The following EYS variants were observed in gnomAD, a reference collection of about 807,000 sequenced individuals.
EYS encodes the protein protein eyes shut homolog.
Under a neutral mutation model 282.1 loss-of-function variants are expected in EYS, and 250 were observed. That is an observed-to-expected ratio of 0.89 (90% CI 0.80 to 0.98). The LOEUF is 0.98. Ranked by LOEUF, EYS falls within the 50% of genes least tolerant of loss-of-function variation. EYS has a pLI of 0.00. For synonymous variants in EYS, 1,355 were observed against 1,282.9 expected (o/e 1.06, Z -1.20); for missense variants, 4,016 against 3,709.0 (o/e 1.08, Z -2.15).
At chr6:64,135,379 AT>A in intron 31 of EYS, among the ~76,000 whole-genome samples, 1 of 152,246 alleles carries the variant, frequency 6.6e-6, no homozygotes, top group African/African-American at 2.4e-5. Context: ...TGCACATATG[AT>A]CAAAATTTTA....
intron 14 of EYS, among the ~76,000 whole-genome samples, chr6:64,986,880 A>G (rs538764347): frequency 1.2e-4 from 18 of 151,386 alleles, no homozygotes; most frequent in African/African-American, 4.1e-4. Context: ...AGCCTAAAGA[A>G]AAACCTTGGT....
At chr6:63,813,027 G>C (rs1771088383) in intron 36 of EYS, among the ~76,000 whole-genome samples, 1 of 152,066 alleles carries the variant, frequency 6.6e-6, no homozygotes, top group South Asian at 2.1e-4. Context: ...CACTCAGACT[G>C]GAGTGCAGTG....
In EYS at chr6:64,007,640, C is replaced by T. The variant is rs115548591; in HGVS notation, c.6726-8457G>A. On this transcript the variant is annotated intron_variant, in intron 33 of 42. Transcript: ENST00000503581. ...TGGGCATTTAGCACTATAACTTTCC[C>T]TCTTATCACTGCTTTAGCTGTGCCC... Among the ~76,000 whole-genome samples the T allele has an allele frequency of 5.1e-3, 782 of 152,218 alleles. 2 individuals are homozygous for T. The highest frequency in any genetic ancestry group is 7.4e-3 in the African/African-American group (308 of 41,546).
chr6:65,429,459 G>A (rs755308659), intron 5 of EYS, among the ~76,000 whole-genome samples: 2 of 152,100 alleles, frequency 1.3e-5, no homozygotes, highest in Non-Finnish European at 2.9e-5. Context: ...AATACTAACA[G>A]CTTCATTTCT....
intron 29 of EYS, among the ~76,000 whole-genome samples, chr6:64,339,728 A>G (rs969228803): frequency 5.3e-5 from 8 of 151,702 alleles, no homozygotes; most frequent in African/African-American, 1.9e-4. Context: ...AGCCATAAAA[A>G]GGAATGAATT....
At chr6:64,146,764 G>A (rs2150291524) in intron 31 of EYS, among the ~76,000 whole-genome samples, 1 of 152,214 alleles carries the variant, frequency 6.6e-6, no homozygotes, top group South Asian at 2.1e-4. Flanking sequence ...TGGCCCTAAA[G>A]GAGAAAAGTA....
chr6:65,613,410 T>G (rs189298833), intron 2 of EYS, among the ~76,000 whole-genome samples: 15 of 151,916 alleles, frequency 9.9e-5, no homozygotes, highest in Admixed American at 3.3e-4. Context: ...ATTATGAACA[T>G]AAAAAGGAAA....
intron 41 of EYS, among the ~76,000 whole-genome samples, chr6:63,755,925 CTGTT>C: frequency 6.6e-6 from 1 of 151,936 alleles, no homozygotes; most frequent in South Asian, 2.1e-4. Flanking sequence ...CATGATTTGG[CTGTT>C]TGTCTATTAT....
intron 28 of EYS, among the ~76,000 whole-genome samples, chr6:64,430,998 C>G (rs1489154167): frequency 6.6e-6 from 1 of 152,180 alleles, no homozygotes; most frequent in Non-Finnish European, 1.5e-5. Context: ...CATAGTTACT[C>G]TGACACTATC....
At chr6:64,972,717 A>G (rs1770337130) in intron 14 of EYS, among the ~76,000 whole-genome samples, 1 of 152,188 alleles carries the variant, frequency 6.6e-6, no homozygotes, top group African/African-American at 2.4e-5. Context: ...TAAGTCTTCC[A>G]GTCAACAGTT....
intron 18 of EYS, among the ~76,000 whole-genome samples, chr6:64,898,276 C>T (rs1482079361): frequency 1.3e-5 from 2 of 152,136 alleles, no homozygotes; most frequent in Non-Finnish European, 2.9e-5. Context: ...ACCCACAAGC[C>T]AGAAGACAGT....
At chr6:65,661,588 A>G (rs908058106) in intron 1 of EYS, among the ~76,000 whole-genome samples, 3 of 152,048 alleles carry the variant, frequency 2.0e-5, no homozygotes, top group Non-Finnish European at 2.9e-5. Context: ...ACTTCCATGG[A>G]AGAGAAAGGA....
chr6:63,803,144 T>C (rs1014413046), intron 37 of EYS, among the ~76,000 whole-genome samples: 1 of 152,152 alleles, frequency 6.6e-6, no homozygotes, highest in African/African-American at 2.4e-5. Flanking sequence ...GTGTTTGTCT[T>C]TTGCTTGGGT....
chr6:64,478,720 G>A (rs1217944838), intron 26 of EYS, among the ~76,000 whole-genome samples: 3 of 150,690 alleles, frequency 2.0e-5, no homozygotes, highest in Non-Finnish European at 4.4e-5. Context: ...AATTTAATAT[G>A]GGTAAACTAT....
intron 29 of EYS, among the ~76,000 whole-genome samples, chr6:64,329,877 G>A (rs1026631286): frequency 9.2e-5 from 14 of 152,164 alleles, no homozygotes; most frequent in African/African-American, 1.7e-4. Context: ...TCCTGCTGAT[G>A]GTGCTTGGTT....
intron 14 of EYS, among the ~76,000 whole-genome samples, chr6:64,961,489 CAT>C (rs1390670857): frequency 1.3e-5 from 2 of 151,974 alleles, no homozygotes; most frequent in South Asian, 2.1e-4. Flanking sequence ...TTTATATACA[CAT>C]AAATTGTATA....
intron 24 of EYS, among the ~76,000 whole-genome samples, chr6:64,594,235 C>T (rs1766501840): frequency 6.6e-6 from 1 of 152,040 alleles, no homozygotes; most frequent in Non-Finnish European, 1.5e-5. Context: ...TAATTCGCAA[C>T]AAAGAAAAGC....
Position 65,039,838 on chromosome 6 carries a change from C to T in EYS, c.2137+17776G>A, listed in dbSNP as rs553168679. ...GTAAGTGGAATATAAATAATCATTG[C>T]TAGATAGCAAAATGTAGTAAAAAGT... On this transcript the variant is annotated intron_variant, in intron 13 of 42. Coordinates refer to ENST00000503581, the MANE Select transcript of EYS (RefSeq NM_001142800.2). Among the ~76,000 whole-genome samples the T allele has an allele frequency of 2.0e-4, 31 of 151,450 alleles. No individual in the cohort carries two copies. The South Asian group carries it at 6.2e-3, about 30-fold the overall frequency.
chr6:64,061,988 C>T (rs1682524115), intron 33 of EYS, among the ~76,000 whole-genome samples: 1 of 151,660 alleles, frequency 6.6e-6, no homozygotes, highest in South Asian at 2.1e-4. Flanking sequence ...AGTTTTTAGC[C>T]ATCATGCTAT....
Sources: gnomAD v4.1 joint callset for allele counts (sites outside exome capture counted in the v4.1 genomes callset) on GRCh38, gnomAD v4.1.1 for gene constraint, MANE v1.5 for transcripts, NCBI Gene and HGNC (gene_info 2026-07-23, HGNC 2026-07-21) for gene names.